The following TFEB variants were observed in gnomAD, a reference collection of about 807,000 sequenced individuals.
TFEB encodes the protein T-cell transcription factor EB.
A neutral mutation model predicts 48.0 loss-of-function variants in TFEB; 12 were observed. The ratio of observed to expected loss-of-function variants is 0.25; its 90% confidence interval spans 0.16 to 0.40. The LOEUF (loss-of-function observed/expected upper bound fraction) is 0.40. TFEB is among the 10% of genes least tolerant of loss of function. The probability of loss-of-function intolerance (pLI) is 1.00; values close to 1 mark genes in which losing one functional copy is unlikely to be tolerated. For missense variants in TFEB, 509 were observed against 640.3 expected (o/e 0.79, Z 2.21); for synonymous variants, 244 against 261.4 (o/e 0.93, Z 0.64).
chr6:41,689,619 G>T, intron 4 of TFEB, 112 bp downstream of exon 4: 1 of 772,236 alleles, frequency 1.3e-6, no homozygotes, highest in Non-Finnish European at 2.2e-6. Flanking sequence ...ACAGAAACAT[G>T]CCAGCTCTGC....
At chr6:41,715,475 G>A (rs1184386508) in intron 1 of TFEB, among the ~76,000 whole-genome samples, 2 of 152,098 alleles carry the variant, frequency 1.3e-5, no homozygotes, top group Non-Finnish European at 2.9e-5. Flanking sequence ...TTCGAGACCA[G>A]CTTGACCAAC....
chr6:41,736,208 C>A, upstream of TFEB: 1 of 1,612,792 alleles, frequency 6.2e-7, no homozygotes, highest in South Asian at 1.1e-5. Flanking sequence ...ATGTCACCTT[C>A]CCTTGTTGGA....
chr6:41,692,836 C>A (rs991770838), intron 1 of TFEB, among the ~76,000 whole-genome samples: 4 of 152,196 alleles, frequency 2.6e-5, no homozygotes, highest in Admixed American at 6.5e-5. Flanking sequence ...GGGGATATTG[C>A]AAGAGGCAGT....
In TFEB at chr6:41,689,776, G is replaced by A. The variant is rs146588109; in HGVS notation, c.504C>T (p.Asp168=). The change falls in exon 4 of 9, where the codon GAC becomes GAT. Residue 168 remains aspartate, a synonymous_variant. Transcript: ENST00000373033. ...CAGGATTGATGTAGCCAAGGACATC[G>A]TCCAGACGCATAATGTTGTCAATGA... is the stretch of plus-strand genomic sequence containing the variant. The part of the protein sequence containing the change: ...DDVIDNIMRL[D]DVLGYINPEM... 842 of 1,614,030 alleles carry A rather than the reference G, an allele frequency of 5.2e-4. No individual in the cohort carries two copies. Among genetic ancestry groups the A allele is most frequent in the Non-Finnish European group, 6.6e-4 (777 of 1,179,966 alleles).
In TFEB at chr6:41,735,556, T is replaced by G; in HGVS notation, c.-229A>C. 1 of 984,286 alleles carries G rather than the reference T, an allele frequency of 1.0e-6. No homozygotes were observed. The highest frequency in any genetic ancestry group is 1.2e-6 in the Non-Finnish European group (1 of 829,636). 61.0% of individuals were successfully genotyped at this position (984,286 alleles called of 1,614,324 possible). A position where few individuals can be genotyped will look rare whatever the true frequency, so the allele number is the denominator to read the frequency against. ...CCTGCGTCCCGCCCGGGCCGCCGCC[T>G]CCGCTGTCACCGAGCCCCGCGCCCG... On this transcript the variant is annotated 5_prime_UTR_variant, in exon 1 of 9. Transcript: ENST00000373033.
At chr6:41,696,485 G>T (rs962870567) in intron 1 of TFEB, among the ~76,000 whole-genome samples, 1 of 152,126 alleles carries the variant, frequency 6.6e-6, no homozygotes, top group East Asian at 1.9e-4. Context: ...TTGAGGTCAG[G>T]AGTTCGAAGC....
At chr6:41,706,270 G>C (rs1210587747) in intron 1 of TFEB, among the ~76,000 whole-genome samples, 3 of 152,206 alleles carry the variant, frequency 2.0e-5, no homozygotes, top group Non-Finnish European at 4.4e-5. Flanking sequence ...CAGGGAGGTG[G>C]GGGGCAGAAG....
At chr6:41,713,243 G>A (rs1431814479) in intron 1 of TFEB, among the ~76,000 whole-genome samples, 1 of 152,128 alleles carries the variant, frequency 6.6e-6, no homozygotes, top group African/African-American at 2.4e-5. Flanking sequence ...GAGAGGAGCT[G>A]GCTCACTCCC....
chr6:41,716,666 T>C (rs531187270), intron 1 of TFEB, among the ~76,000 whole-genome samples: 5 of 152,090 alleles, frequency 3.3e-5, no homozygotes, highest in African/African-American at 1.2e-4. Context: ...GAGTAGCCCC[T>C]GCCACCCCCA....
At chr6:41,709,291 C>A (rs570775231) in intron 1 of TFEB, among the ~76,000 whole-genome samples, 44 of 149,762 alleles carry the variant, frequency 2.9e-4, no homozygotes, top group Middle Eastern at 3.4e-3. Flanking sequence ...AGCTGTGTGA[C>A]CTTCATCAAC....
Position 41,694,545 on chromosome 6 carries a change from G to A in TFEB, c.-22-3310C>T, listed in dbSNP as rs570299259. ...TGGGTATGGGGTAAGGGAGGGACCT[G>A]AGGGGATCAGAGAGCGATGGGGGTG... On this transcript the variant is annotated intron_variant, in intron 1 of 8. Transcript: ENST00000373033. Among the ~76,000 whole-genome samples the A allele has an allele frequency of 2.0e-3, 304 of 152,206 alleles. 2 individuals carry two copies. Among genetic ancestry groups the A allele is most frequent in the African/African-American group, 7.1e-3 (296 of 41,530 alleles).
intron 7 of TFEB, chr6:41,686,862 C>A (rs1253893790): frequency 3.5e-6 from 2 of 572,940 alleles, no homozygotes; most frequent in Non-Finnish European, 6.2e-6. Flanking sequence ...GACTGCTCCT[C>A]CAAGAAGCCT....
chr6:41,712,495 A>C (rs757159753), intron 1 of TFEB, among the ~76,000 whole-genome samples: 5 of 152,162 alleles, frequency 3.3e-5, no homozygotes, highest in Non-Finnish European at 7.4e-5. Flanking sequence ...TCAGGGCCTC[A>C]GTTTCCTCCT....
intron 1 of TFEB, among the ~76,000 whole-genome samples, chr6:41,704,261 A>G (rs1770090316): frequency 6.6e-6 from 1 of 152,218 alleles, no homozygotes; most frequent in African/African-American, 2.4e-5. Context: ...GGCTTAGTGG[A>G]TCACGAATAT....
At chr6:41,722,770 G>A (rs766944111) in intron 1 of TFEB, among the ~76,000 whole-genome samples, 1 of 152,338 alleles carries the variant, frequency 6.6e-6, no homozygotes, top group Middle Eastern at 3.4e-3. Context: ...GGAGCCCTGG[G>A]CAGTTTTTTG....
upstream of TFEB, chr6:41,736,072 G>C: frequency 6.3e-7 from 1 of 1,590,876 alleles, no homozygotes; most frequent in South Asian, 1.1e-5. Flanking sequence ...TGAGCCTGGC[G>C]AAGTACAGGG....
At chr6:41,708,118 G>A (rs554665172) in intron 1 of TFEB, among the ~76,000 whole-genome samples, 107 of 152,346 alleles carry the variant, frequency 7.0e-4, no homozygotes, top group Non-Finnish European at 1.1e-3. Flanking sequence ...CGCCTCAGCC[G>A]CACAGGTCAC....
intron 1 of TFEB, among the ~76,000 whole-genome samples, chr6:41,699,823 C>G (rs1022963977): frequency 6.6e-6 from 1 of 152,206 alleles, no homozygotes; most frequent in South Asian, 2.1e-4. Flanking sequence ...CACGCACATG[C>G]TTTTAACAGT....
intron 1 of TFEB, among the ~76,000 whole-genome samples, chr6:41,721,370 C>CAT (rs1274183863): frequency 1.5e-5 from 2 of 129,254 alleles, no homozygotes; most frequent in African/African-American, 3.7e-5. Flanking sequence ...ACTAGGCACA[C>CAT]ATACACACAC....
Sources: allele counts gnomAD v4.1 joint callset (sites outside exome capture counted in the v4.1 genomes callset), GRCh38; gene constraint gnomAD v4.1.1; transcripts MANE v1.5; gene names NCBI Gene and HGNC (gene_info 2026-07-23, HGNC 2026-07-21).